Variants in PAFAH2 observed in about 807,000 individuals in gnomAD.
The protein encoded by PAFAH2 is platelet activating factor acetylhydrolase 2, also known as platelet-activating factor acetylhydrolase 2, cytoplasmic.
In PAFAH2, 42 loss-of-function variants were observed where a neutral mutation model predicts 49.0. The observed-to-expected ratio is 0.86, with a 90% CI of 0.67 to 1.11. The LOEUF is 1.11. Among genes scored for constraint, PAFAH2 ranks in the 50% least tolerant of loss-of-function variants. PAFAH2 has a pLI of 0.00. For synonymous variants in PAFAH2, 184 were observed against 181.3 expected (o/e 1.01, Z -0.12); for missense variants, 503 against 501.8 (o/e 1.00, Z -0.02).
At chr1:25,994,320 G>A (rs1171797174) in intron 1 of PAFAH2, among the ~76,000 whole-genome samples, 1 of 151,942 alleles carries the variant, frequency 6.6e-6, no homozygotes, top group Admixed American at 6.6e-5. Context: ...TTGTAGAGAT[G>A]GAGTTTCATC....
intron 1 of PAFAH2, among the ~76,000 whole-genome samples, chr1:25,995,718 A>C (rs2049927788): frequency 3.3e-5 from 5 of 152,188 alleles, no homozygotes; most frequent in Admixed American, 3.3e-4. Flanking sequence ...TAATTAATTT[A>C]TCCAATGAAT....
chr1:25,984,382 G>T, intron 5 of PAFAH2, 78 bp downstream of exon 5: 1 of 1,097,172 alleles, frequency 9.1e-7, no homozygotes, highest in Non-Finnish European at 1.4e-6. Context: ...GAGAGGGTTA[G>T]AAATAGTACA....
chr1:25,991,427 G>A (rs555514824), intron 1 of PAFAH2, among the ~76,000 whole-genome samples: 2 of 151,976 alleles, frequency 1.3e-5, no homozygotes, highest in South Asian at 2.1e-4. Context: ...TTACAGGCAC[G>A]TGCCACCATG....
In PAFAH2 at chr1:25,960,334, C is replaced by T. The variant is rs76745952; in HGVS notation, c.*1655G>A. 1.3e-5 allele frequency: 2 copies of T among 152,756 alleles called. No individual in the cohort carries two copies. The highest frequency in any genetic ancestry group is 3.9e-4 in the East Asian group (2 of 5,182). 9.5% of individuals were successfully genotyped at this position (152,756 alleles called of 1,614,324 possible). A position where few individuals can be genotyped will look rare whatever the true frequency, so the allele number is the denominator to read the frequency against. On this transcript the variant is annotated 3_prime_UTR_variant, in exon 11 of 11. Coordinates refer to ENST00000374282, the MANE Select transcript of PAFAH2 (RefSeq NM_000437.4). The stretch of plus-strand genomic sequence containing the variant: ...TGCATTTCCCTTTTGCTCTTACCTA[C>T]TTGGACTGAGGCACGAAGTCTTGAG...
In PAFAH2 at chr1:25,974,469, G is replaced by A; in HGVS notation, c.929+11C>T. 4.4e-6 allele frequency: 7 copies of A among 1,590,392 alleles called. No homozygotes were observed. The highest frequency in any genetic ancestry group is 3.4e-6 in the Non-Finnish European group (4 of 1,166,994). On this transcript the variant is annotated intron_variant, in intron 9 of 10. Coordinates refer to ENST00000374282, the MANE Select transcript of PAFAH2 (RefSeq NM_000437.4). ...GAGGGCCCTGGGATCACGACCTTGTGGTTTACTCACAGAACGGTTATGATC... is the reference window on the plus strand; with the variant it reads ...GAGGGCCCTGGGATCACGACCTTGTAGTTTACTCACAGAACGGTTATGATC...
chr1:25,966,009 T>C (rs1228827272), intron 10 of PAFAH2, among the ~76,000 whole-genome samples: 1 of 150,738 alleles, frequency 6.6e-6, no homozygotes, highest in Non-Finnish European at 1.5e-5. Flanking sequence ...CCCACAAACA[T>C]ATTTAAAAAA....
At chr1:25,997,485 G>A (rs936799140) in intron 1 of PAFAH2, 1 of 152,238 alleles carries the variant, frequency 6.6e-6, no homozygotes, top group South Asian at 2.1e-4. Context: ...CCGTTTTAGA[G>A]AGGAAGAAAC....
At chr1:25,985,966 T>C (rs944621100) in intron 4 of PAFAH2, among the ~76,000 whole-genome samples, 4 of 152,252 alleles carry the variant, frequency 2.6e-5, no homozygotes, top group African/African-American at 9.6e-5. Flanking sequence ...ACAGCCCTTG[T>C]ATTCATTCAA....
At position 25,980,829 on chromosome 1, in the gene PAFAH2, G is replaced by A. The variant is rs1186366928; in HGVS notation, c.666+1535C>T. 4.0e-5 allele frequency among the ~76,000 whole-genome samples: 6 copies of A among 151,558 alleles called. No homozygotes were observed. In the East Asian group the frequency reaches 1.2e-3, roughly 30 times the overall value. ...GCCCAAGAGTTTGAGATCAGCCTGG[G>A]AAACATGGTGAAACCCCATCTCTAC... On this transcript the variant is annotated intron_variant, in intron 7 of 10. Transcript: ENST00000374282.
At chr1:25,975,346 G>C (rs11247836) in intron 8 of PAFAH2, among the ~76,000 whole-genome samples, 5,210 of 152,210 alleles carry the variant, frequency 0.034, 130 homozygotes, top group Non-Finnish European at 0.055. Flanking sequence ...GGGAGGCTGA[G>C]GCAGGAGGAT....
At chr1:25,994,067 T>C (rs183849217) in intron 1 of PAFAH2, among the ~76,000 whole-genome samples, 1 of 151,920 alleles carries the variant, frequency 6.6e-6, no homozygotes, top group Non-Finnish European at 1.5e-5. Flanking sequence ...TGGAATCTAC[T>C]CTGGAAATGA....
At chr1:25,984,670 T>C (rs1199517368) in intron 4 of PAFAH2, 142 bp from the exon 5 acceptor site, 4 of 635,548 alleles carry the variant, frequency 6.3e-6, no homozygotes, top group Non-Finnish European at 1.1e-5. Flanking sequence ...TCCTTTCACT[T>C]GAGAGAGAAA....
chr1:25,969,421 C>T (rs2049473972), intron 10 of PAFAH2, among the ~76,000 whole-genome samples: 1 of 152,166 alleles, frequency 6.6e-6, no homozygotes, highest in African/African-American at 2.4e-5. Context: ...GAATTGTCAC[C>T]AGAGTCACCG....
At chr1:25,994,143 T>TA (rs2049908944) in intron 1 of PAFAH2, among the ~76,000 whole-genome samples, 1 of 31,046 alleles carries the variant, frequency 3.2e-5, no homozygotes, top group South Asian at 2.0e-3. Context: ...GGTGCCTAGC[T>TA]TTTTTTTTTT....
intron 7 of PAFAH2, among the ~76,000 whole-genome samples, chr1:25,979,532 G>A (rs981175756): frequency 2.6e-5 from 4 of 152,054 alleles, no homozygotes; most frequent in Non-Finnish European, 5.9e-5. Flanking sequence ...TTGTTGCCCA[G>A]ACTGGAGTGC....
In PAFAH2 at chr1:25,961,818, G is replaced by A. The variant is rs1182517991; in HGVS notation, c.*171C>T. 1 of 550,352 alleles carries A rather than the reference G, an allele frequency of 1.8e-6. No individual in the cohort carries two copies. The highest frequency in any genetic ancestry group is 2.9e-5 in the East Asian group (1 of 34,330). 34.1% of individuals were successfully genotyped at this position (550,352 alleles called of 1,614,324 possible). A position where few individuals can be genotyped will look rare whatever the true frequency, so the allele number is the denominator to read the frequency against. ...GATCCCAGTCCCAAAGTGATTTTAA[G>A]ATCAAATCTAAGATCAAAGTACCCA... is the stretch of plus-strand genomic sequence containing the variant. On this transcript the variant is annotated 3_prime_UTR_variant, in exon 11 of 11. Transcript: ENST00000374282.
intron 10 of PAFAH2, among the ~76,000 whole-genome samples, chr1:25,963,266 C>T (rs1210160913): frequency 6.6e-6 from 1 of 152,174 alleles, no homozygotes; most frequent in African/African-American, 2.4e-5. Context: ...ATAAGCACAT[C>T]CACTATGTGC....
Position 25,984,450 on chromosome 1 carries a change from C to A in PAFAH2, c.410+10G>T, listed in dbSNP as rs2049747862. On this transcript the variant is annotated intron_variant, in intron 5 of 10. Transcript: ENST00000374282. ...TGCAGGCACCCAATCCATGGCGGCT[C>A]ATCCCTCACCTGTGCTCTGGCACAG... 6.2e-7 allele frequency: 1 copy of A among 1,610,362 alleles called. No homozygotes were observed. The highest frequency in any genetic ancestry group is 8.5e-7 in the Non-Finnish European group (1 of 1,177,136).
chr1:25,962,363 C>G (rs113602177), intron 10 of PAFAH2, among the ~76,000 whole-genome samples: 6 of 152,160 alleles, frequency 3.9e-5, no homozygotes, highest in Non-Finnish European at 8.8e-5. Context: ...GTACTAAATG[C>G]TTTACATTCA....
Sources: gnomAD v4.1 joint callset for allele counts (sites outside exome capture counted in the v4.1 genomes callset) on GRCh38, gnomAD v4.1.1 for gene constraint, MANE v1.5 for transcripts, NCBI Gene and HGNC (gene_info 2026-07-23, HGNC 2026-07-21) for gene names.